RASGEF1C: variants seen among roughly 807,000 people sequenced by gnomAD.
RASGEF1C encodes ras-GEF domain-containing family member 1C.
In RASGEF1C, 27 loss-of-function variants were observed where a neutral mutation model predicts 58.1. The observed-to-expected ratio is 0.46, with a 90% confidence interval of 0.34 to 0.64. The LOEUF is 0.64. Ranked by LOEUF, RASGEF1C falls within the 30% of genes least tolerant of loss-of-function variation. The probability of loss-of-function intolerance (pLI) is 0.01; values close to 1 mark genes in which losing one functional copy is unlikely to be tolerated. For synonymous variants in RASGEF1C, 243 were observed against 246.3 expected, an observed-to-expected ratio of 0.99 and a Z score of 0.13; for missense variants, 502 against 605.1, an observed-to-expected ratio of 0.83 and a Z score of 1.79.
chr5:180,104,511 A>G (rs1035318922), intron 12 of RASGEF1C, among the ~76,000 whole-genome samples: 1 of 152,218 alleles, frequency 6.6e-6, no homozygotes, highest in African/African-American at 2.4e-5. Flanking sequence ...ATATATATAT[A>G]AACTCAGTGG....
At chr5:180,142,348 A>G (rs987665187) in intron 1 of RASGEF1C, among the ~76,000 whole-genome samples, 4 of 152,152 alleles carry the variant, frequency 2.6e-5, no homozygotes, top group Non-Finnish European at 5.9e-5. Context: ...CTTACACACC[A>G]CTGCGGGGAG....
intron 1 of RASGEF1C, among the ~76,000 whole-genome samples, chr5:180,152,551 C>G (rs1359896001): frequency 9.9e-6 from 1 of 100,926 alleles, no homozygotes; most frequent in South Asian, 3.2e-4. Context: ...CATCACACAC[C>G]GGGGCCTGTT....
chr5:180,108,423 G>A lies in RASGEF1C; in HGVS notation c.1303+3034C>T, dbSNP rs902947732. Among the ~76,000 whole-genome samples the A allele has an allele frequency of 4.0e-5, 6 of 151,398 alleles. 1 individual carries two copies. Among genetic ancestry groups the A allele is most frequent in the African/African-American group, 1.2e-4 (5 of 41,156 alleles). Reference sequence around the variant, plus strand: ...TCACCGTGTTAGCCAGGATGGTCTCGATCTCCTGACCTCATGATCTGCCTG... The same window carrying A: ...TCACCGTGTTAGCCAGGATGGTCTCAATCTCCTGACCTCATGATCTGCCTG... On this transcript the variant is annotated intron_variant, in intron 12 of 13. Coordinates refer to ENST00000361132, the MANE Select transcript of RASGEF1C (RefSeq NM_175062.4).
chr5:180,152,542 A>G (rs1766772097), intron 1 of RASGEF1C, among the ~76,000 whole-genome samples: 3 of 123,136 alleles, frequency 2.4e-5, no homozygotes, highest in South Asian at 5.4e-4. Context: ...GAAGGGGAAC[A>G]TCACACACCG....
rs1187829324 is a variant in RASGEF1C at position 180,163,254 on chromosome 5, C to CTTTTTTTT, written c.-6-25197_-6-25196insAAAAAAAA. 5.2e-4 allele frequency among the ~76,000 whole-genome samples: 37 copies of CTTTTTTTT among 71,042 alleles called. 10 individuals carry two copies. Among genetic ancestry groups the CTTTTTTTT allele is most frequent in the African/African-American group, 6.9e-4 (11 of 15,972 alleles). The allele number at this position is 71,042 out of a possible 152,430, so 46.6% of individuals were successfully genotyped here. A position where few individuals can be genotyped will look rare whatever the true frequency, so the allele number is the denominator to read the frequency against. On this transcript the variant is annotated intron_variant, in intron 1 of 13. Coordinates refer to ENST00000361132, the MANE Select transcript of RASGEF1C (RefSeq NM_175062.4). The stretch of plus-strand genomic sequence containing the variant: ...CACTTTTTTTTTTTTTTTTTTTTTC[C>CTTTTTTTT]AGCCTATTGCACTGGCTAGGACTTC...
intron 11 of RASGEF1C, among the ~76,000 whole-genome samples, chr5:180,112,801 C>T (rs903788202): frequency 6.6e-6 from 1 of 152,190 alleles, no homozygotes; most frequent in Non-Finnish European, 1.5e-5. Context: ...CCTTTCTTCT[C>T]AGGAGCTCAG....
In RASGEF1C at chr5:180,101,231, G is replaced by C. The variant is rs535309212; in HGVS notation, c.*270C>G. Reference sequence around the variant, plus strand: ...TTGCCGAGGATGGACAGACTGACCAGGCCCCACGGTCCTGAAGGCAGGATG... The same window carrying C: ...TTGCCGAGGATGGACAGACTGACCACGCCCCACGGTCCTGAAGGCAGGATG... On this transcript the variant is annotated 3_prime_UTR_variant, in exon 14 of 14. Transcript: ENST00000361132. 2.1e-5 allele frequency: 11 copies of C among 535,574 alleles called. No homozygotes were observed. The highest frequency in any genetic ancestry group is 3.7e-5 in the Non-Finnish European group (11 of 298,616). The allele number at this position is 535,574 out of a possible 1,614,324, so 33.2% of individuals were successfully genotyped here.
rs1766838517 is a variant in RASGEF1C, at chr5:180,155,744, G to A, written c.-6-17686C>T. 6.6e-6 allele frequency among the ~76,000 whole-genome samples: 1 copy of A among 152,116 alleles called. No individual in the cohort carries two copies. The stretch of plus-strand genomic sequence containing the variant: ...GCCCACGTTCTCAATTACGTCCTGA[G>A]AACATACTTCTACAAGGAGAGGCAC... On this transcript the variant is annotated intron_variant, in intron 1 of 13. Transcript: ENST00000361132. This position sits in a 1 kb window ranked among gnomAD's most constrained non-coding sequence, Gnocchi z 5.2.
At chr5:180,163,253 C>CTTTTTTTTT (rs1561747791) in intron 1 of RASGEF1C, among the ~76,000 whole-genome samples, 1 of 5,060 alleles carries the variant, frequency 2.0e-4, no homozygotes, top group Non-Finnish European at 1.0e-3. Flanking sequence ...TTTTTTTTTT[C>CTTTTTTTTT]CAGCCTATTG....
chr5:180,141,530 G>A (rs942213102), intron 1 of RASGEF1C, among the ~76,000 whole-genome samples: 14 of 152,210 alleles, frequency 9.2e-5, no homozygotes, highest in South Asian at 4.1e-4. Flanking sequence ...AGAGGCAGAC[G>A]GTGGGACGGC....
At chr5:180,126,709 G>C (rs1297484815) in intron 6 of RASGEF1C, among the ~76,000 whole-genome samples, 1 of 152,214 alleles carries the variant, frequency 6.6e-6, no homozygotes, top group East Asian at 1.9e-4. Flanking sequence ...CAGTCCCCAT[G>C]GGTGACAAGG....
chr5:180,165,240 G>C (rs190262583), intron 1 of RASGEF1C, among the ~76,000 whole-genome samples: 1 of 151,976 alleles, frequency 6.6e-6, no homozygotes, highest in Non-Finnish European at 1.5e-5. Flanking sequence ...CCTTTCATGG[G>C]TAGTCTTAAG....
Position 180,177,506 on chromosome 5 carries a change from G to A in RASGEF1C, c.-7+31522C>T, listed in dbSNP as rs939358476. Among the ~76,000 whole-genome samples the A allele has an allele frequency of 6.6e-6, 1 of 152,254 alleles. No homozygotes were observed. The highest frequency in any genetic ancestry group is 2.4e-5 in the African/African-American group (1 of 41,472). On this transcript the variant is annotated intron_variant, in intron 1 of 13. Coordinates refer to ENST00000361132, the MANE Select transcript of RASGEF1C (RefSeq NM_175062.4). This position sits in a 1 kb window ranked among gnomAD's most constrained non-coding sequence, Gnocchi z 5.0. ...GGGACCCCTGCCAAGGCTCAGCCCT[G>A]CTGCAGCTGTCCAAGGCCATGGCCT...
intron 1 of RASGEF1C, among the ~76,000 whole-genome samples, chr5:180,199,808 G>T (rs1460144398): frequency 6.6e-6 from 1 of 152,066 alleles, no homozygotes; most frequent in Non-Finnish European, 1.5e-5. Flanking sequence ...GGGACTACAG[G>T]TATCAGTGAT....
intron 12 of RASGEF1C, among the ~76,000 whole-genome samples, chr5:180,107,723 C>T (rs545083556): frequency 1.6e-4 from 25 of 152,170 alleles, no homozygotes; most frequent in Non-Finnish European, 2.1e-4. Flanking sequence ...ATTCTTGTGC[C>T]TCAGCCACCC....
In RASGEF1C at chr5:180,137,579, C is replaced by T. The variant is rs764961592; in HGVS notation, c.300+11G>A. 6.8e-6 allele frequency: 11 copies of T among 1,608,288 alleles called. No homozygotes were observed. In the East Asian group the frequency reaches 2.0e-4, roughly 29 times the overall value. ...ACACTCTGAGACCCCCTGGCCTGCC[C>T]TCCGCCTCACCTTGTCCAGCACCGG... is the stretch of plus-strand genomic sequence containing the variant. On this transcript the variant is annotated intron_variant, in intron 3 of 13. Coordinates refer to ENST00000361132, the MANE Select transcript of RASGEF1C (RefSeq NM_175062.4). The surrounding 1 kb of genome is among the most constrained non-coding windows in gnomAD (Gnocchi z 4.1).
chr5:180,193,031 C>T (rs1193108702), intron 1 of RASGEF1C, among the ~76,000 whole-genome samples: 2 of 140,496 alleles, frequency 1.4e-5, no homozygotes, highest in Admixed American at 1.5e-4. Context: ...CAGGCGTGAG[C>T]CATCGCGCCC....
chr5:180,107,688 A>C (rs531775883), intron 12 of RASGEF1C, among the ~76,000 whole-genome samples: 4 of 152,288 alleles, frequency 2.6e-5, no homozygotes, highest in Admixed American at 2.6e-4. Context: ...GGCTCACTGC[A>C]ATCTTTGCCT....
intron 1 of RASGEF1C, among the ~76,000 whole-genome samples, chr5:180,193,101 G>C (rs1475465444): frequency 6.9e-6 from 1 of 145,898 alleles, no homozygotes; most frequent in South Asian, 2.2e-4. Context: ...TTTCACCCAG[G>C]CCAGAGTGCA....
Sources: allele counts gnomAD v4.1 joint callset (sites outside exome capture counted in the v4.1 genomes callset), GRCh38; gene constraint gnomAD v4.1.1; non-coding constraint Gnocchi (gnomAD v3.1); transcripts MANE v1.5; gene names NCBI Gene and HGNC (gene_info 2026-07-23, HGNC 2026-07-21).